The following ADGRL2 variants were observed in gnomAD, a reference collection of about 807,000 sequenced individuals.
ADGRL2 encodes the protein adhesion G protein-coupled receptor L2.
ADGRL2 carries 44 observed loss-of-function variants against 157.4 expected under a neutral mutation model. That is an observed-to-expected ratio of 0.28 (90% CI 0.22 to 0.36). ADGRL2 has a LOEUF of 0.36. ADGRL2 is among the 10% of genes least tolerant of loss of function. The pLI, the probability that ADGRL2 is intolerant of heterozygous loss-of-function variation, is 1.00. For missense variants in ADGRL2, 1,510 were observed against 1,768.9 expected (o/e 0.85, Z 2.63); for synonymous variants, 585 against 624.7 (o/e 0.94, Z 0.95).
At chr1:81,775,318 CT>C (rs2086535789) in intron 2 of ADGRL2, among the ~76,000 whole-genome samples, 2 of 152,110 alleles carry the variant, frequency 1.3e-5, no homozygotes, top group Non-Finnish European at 1.5e-5. Context: ...AAGCATGATC[CT>C]AGAAAAGGGT....
At chr1:81,920,779 G>A (rs900623891) in intron 3 of ADGRL2, among the ~76,000 whole-genome samples, 5 of 151,122 alleles carry the variant, frequency 3.3e-5, no homozygotes, top group African/African-American at 1.2e-4. Flanking sequence ...TCAAATCTGT[G>A]CTTCCCTTGT....
At chr1:81,342,550 T>C (rs1219207233) in intron 1 of ADGRL2, among the ~76,000 whole-genome samples, 1 of 152,172 alleles carries the variant, frequency 6.6e-6, no homozygotes, top group African/African-American at 2.4e-5. Context: ...GGCAATTTAG[T>C]CATAATTTTA....
chr1:81,955,846 A>C (rs746979006), intron 10 of ADGRL2, 31 bp from the exon 11 acceptor site: 130 of 1,474,736 alleles, frequency 8.8e-5, no homozygotes, highest in Middle Eastern at 3.6e-4. Flanking sequence ...AAAAGCGGTC[A>C]AAACTAATGA....
At chr1:81,691,979 T>C (rs9324180) in intron 3 of ADGRL2, among the ~76,000 whole-genome samples, 113,355 of 149,486 alleles carry the variant, frequency 0.76, 43,511 homozygotes, top group African/African-American at 0.82. Flanking sequence ...TTTTCATATA[T>C]AGTATATATG....
At chr1:81,775,601 G>A (rs907642672) in intron 2 of ADGRL2, among the ~76,000 whole-genome samples, 5 of 150,952 alleles carry the variant, frequency 3.3e-5, no homozygotes, top group African/African-American at 1.2e-4. Context: ...AAAAAAAAAA[G>A]TGTGATGTTT....
At chr1:81,738,982 A>G (rs1258698286) in intron 1 of ADGRL2, among the ~76,000 whole-genome samples, 1 of 152,206 alleles carries the variant, frequency 6.6e-6, no homozygotes, top group Non-Finnish European at 1.5e-5. Context: ...CCCAGGGACC[A>G]GTGGCCTAGT....
chr1:81,720,035 A>G (rs962221285), intron 1 of ADGRL2, among the ~76,000 whole-genome samples: 2 of 152,142 alleles, frequency 1.3e-5, no homozygotes, highest in Non-Finnish European at 2.9e-5. Flanking sequence ...ATATTTTATT[A>G]TGAAAATGTA....
intron 1 of ADGRL2, among the ~76,000 whole-genome samples, chr1:81,830,322 A>G (rs2091854251): frequency 6.6e-6 from 1 of 152,150 alleles, no homozygotes; most frequent in Non-Finnish European, 1.5e-5. Context: ...ACATACATGA[A>G]AGTATAGTGC....
intron 2 of ADGRL2, among the ~76,000 whole-genome samples, chr1:81,483,789 T>G (rs1156279317): frequency 6.6e-6 from 1 of 152,174 alleles, no homozygotes. Context: ...CATAAAACTT[T>G]TAATAGACAT....
chr1:81,969,832 A>G (rs1452268238), intron 15 of ADGRL2, among the ~76,000 whole-genome samples: 1 of 152,154 alleles, frequency 6.6e-6, no homozygotes, highest in African/African-American at 2.4e-5. Context: ...TAATTTTAAG[A>G]ATGTTCCAGA....
chr1:81,945,241 G>C (rs1649422253), intron 6 of ADGRL2, among the ~76,000 whole-genome samples: 1 of 151,926 alleles, frequency 6.6e-6, no homozygotes, highest in Non-Finnish European at 1.5e-5. Context: ...TACTACAATA[G>C]TGCTTCTTTA....
chr1:81,734,216 G>T (rs1369512323), intron 1 of ADGRL2, among the ~76,000 whole-genome samples: 3 of 149,908 alleles, frequency 2.0e-5, no homozygotes, highest in Admixed American at 2.0e-4. Flanking sequence ...GGTGGAGGTT[G>T]CAATGAGCCG....
intron 3 of ADGRL2, among the ~76,000 whole-genome samples, chr1:81,621,908 C>T (rs2081799238): frequency 6.6e-6 from 1 of 152,204 alleles, no homozygotes; most frequent in Non-Finnish European, 1.5e-5. Flanking sequence ...TCCTCCTCTG[C>T]TCCTGGTTGT....
intron 3 of ADGRL2, among the ~76,000 whole-genome samples, chr1:81,685,146 G>T (rs2083202941): frequency 6.6e-6 from 1 of 151,934 alleles, no homozygotes; most frequent in African/African-American, 2.4e-5. Context: ...ATGAATTTTA[G>T]AATTGTTTTT....
At chr1:81,386,462 G>A (rs975221619) in intron 1 of ADGRL2, among the ~76,000 whole-genome samples, 1 of 152,132 alleles carries the variant, frequency 6.6e-6, no homozygotes, top group Non-Finnish European at 1.5e-5. Context: ...CATGGTAACA[G>A]ATGTGCATCC....
intron 1 of ADGRL2, among the ~76,000 whole-genome samples, chr1:81,833,538 A>T (rs1272704654): frequency 6.6e-6 from 1 of 152,180 alleles, no homozygotes; most frequent in East Asian, 1.9e-4. Flanking sequence ...TCTTTCAGTG[A>T]TGCTTATTAA....
At chr1:81,845,664 T>C (rs1456316915) in intron 2 of ADGRL2, among the ~76,000 whole-genome samples, 5 of 150,594 alleles carry the variant, frequency 3.3e-5, no homozygotes, top group Non-Finnish European at 5.9e-5. Flanking sequence ...TTTCTGTTTG[T>C]ATTGCTAATA....
At chr1:81,379,265 G>A (rs2076303425) in intron 1 of ADGRL2, among the ~76,000 whole-genome samples, 1 of 152,174 alleles carries the variant, frequency 6.6e-6, no homozygotes, top group African/African-American at 2.4e-5. Flanking sequence ...GGAGCATACA[G>A]ACGGGCAGGC....
chr1:81,885,193 G>T (rs2094098578), intron 2 of ADGRL2, among the ~76,000 whole-genome samples: 1 of 151,998 alleles, frequency 6.6e-6, no homozygotes, highest in Admixed American at 6.6e-5. Context: ...CATCTATTTG[G>T]CAATGTCTTT....
Sources: allele counts gnomAD v4.1 joint callset (sites outside exome capture counted in the v4.1 genomes callset), GRCh38; gene constraint gnomAD v4.1.1; transcripts MANE v1.5; gene names NCBI Gene and HGNC (gene_info 2026-07-23, HGNC 2026-07-21).